The following RHPN2 variants were observed in gnomAD, a reference collection of about 807,000 sequenced individuals.
RHPN2 encodes the protein rhophilin Rho GTPase binding protein 2.
Under a neutral mutation model 79.0 loss-of-function variants are expected in RHPN2, and 40 were observed. That is an observed-to-expected ratio of 0.51 (90% confidence interval 0.39 to 0.66). The LOEUF is 0.66. Among genes scored for constraint, RHPN2 ranks in the 30% least tolerant of loss-of-function variants. The pLI is 0.00. For missense variants in RHPN2, 686 were observed against 883.5 expected (o/e 0.78, Z 2.83); for synonymous variants, 285 against 363.5 (o/e 0.78, Z 2.46).
intron 2 of RHPN2, among the ~76,000 whole-genome samples, chr19:33,036,716 C>T (rs1459386380): frequency 1.3e-5 from 2 of 152,182 alleles, no homozygotes; most frequent in African/African-American, 4.8e-5. Flanking sequence ...GTGGGCTGGA[C>T]GGGCCCCGCA....
intron 8 of RHPN2, 43 bp from the exon 9 acceptor site, chr19:33,002,446 G>A: frequency 1.2e-6 from 2 of 1,612,144 alleles, no homozygotes; most frequent in South Asian, 2.2e-5. Context: ...CCGGCACAAG[G>A]GCCCTCATGA....
chr19:33,022,703 A>G (rs1971934698), intron 3 of RHPN2, among the ~76,000 whole-genome samples: 1 of 152,190 alleles, frequency 6.6e-6, no homozygotes, highest in Non-Finnish European at 1.5e-5. Context: ...GCAAACAAGG[A>G]TTTAGCTCCC....
intron 6 of RHPN2, 87 bp downstream of exon 6, chr19:33,011,591 AC>A (rs1971835559): frequency 6.5e-7 from 1 of 1,544,912 alleles, no homozygotes; most frequent in Non-Finnish European, 8.9e-7. Context: ...GCACAGGGGC[AC>A]CCGCAGAGGG....
intron 12 of RHPN2, among the ~76,000 whole-genome samples, chr19:32,993,773 T>C (rs1806154611): frequency 1.3e-5 from 2 of 152,112 alleles, no homozygotes; most frequent in South Asian, 4.1e-4. Flanking sequence ...AACCAGAACA[T>C]GGGCCTTCAG....
intron 3 of RHPN2, 110 bp downstream of exon 3, chr19:33,026,394 G>A: frequency 7.1e-7 from 1 of 1,417,104 alleles, no homozygotes; most frequent in Admixed American, 1.7e-5. Context: ...CGAAAGTGGG[G>A]GCTGCCACAC....
At chr19:33,056,148 C>CTT (rs35281881) in intron 1 of RHPN2, among the ~76,000 whole-genome samples, 57,598 of 139,874 alleles carry the variant, frequency 0.41, 14,614 homozygotes, top group African/African-American at 0.71. Flanking sequence ...GTTTTTTGCT[C>CTT]GTTGCCCTGG....
At chr19:33,038,719 G>A (rs1203396259) in intron 2 of RHPN2, among the ~76,000 whole-genome samples, 5 of 152,018 alleles carry the variant, frequency 3.3e-5, no homozygotes, top group East Asian at 1.9e-4. Flanking sequence ...GTGCAATGGC[G>A]CGATCTCGGC....
At chr19:33,049,138 A>C (rs1972167685) in intron 1 of RHPN2, among the ~76,000 whole-genome samples, 1 of 152,104 alleles carries the variant, frequency 6.6e-6, no homozygotes, top group Admixed American at 6.6e-5. Context: ...ACAGGTAGGA[A>C]TGTTGGGCTT....
Position 33,064,766 on chromosome 19 carries a change from C to T in RHPN2, c.69+18G>A. On this transcript the variant is annotated intron_variant, in intron 1 of 14. Transcript: ENST00000254260. Reference sequence around the variant, plus strand: ...CTGGAGCCCGCAGGTCCCCGCCCGCCCGCCCGAAGCCGCCCACCTTCCGAA... The same window carrying T: ...CTGGAGCCCGCAGGTCCCCGCCCGCTCGCCCGAAGCCGCCCACCTTCCGAA... 6.7e-7 allele frequency: 1 copy of T among 1,499,652 alleles called. No individual in the cohort carries two copies. Among genetic ancestry groups the T allele is most frequent in the Non-Finnish European group, 8.9e-7 (1 of 1,120,804 alleles). 92.9% of individuals were successfully genotyped at this position (1,499,652 alleles called of 1,614,324 possible). A position where few individuals can be genotyped will look rare whatever the true frequency, so the allele number is the denominator to read the frequency against.
intron 4 of RHPN2, among the ~76,000 whole-genome samples, chr19:33,013,170 C>A (rs779639483): frequency 5.3e-5 from 8 of 150,180 alleles, no homozygotes; most frequent in Non-Finnish European, 8.8e-5. Context: ...GCCACCGTGC[C>A]CGGCCATAGT....
rs183490115 is a variant in RHPN2 at position 33,031,698 on chromosome 19, G to A, written c.186-5066C>T. On this transcript the variant is annotated intron_variant, in intron 2 of 14. Transcript: ENST00000254260. The stretch of plus-strand genomic sequence containing the variant: ...TGCGCCTGGCTAACGTAGGTTTTTT[G>A]TGGGTGTGTGTGAGATGGAGTCGCC... Among the ~76,000 whole-genome samples the A allele has an allele frequency of 1.3e-4, 19 of 150,272 alleles. 1 individual carries two copies. In the East Asian group the frequency reaches 2.4e-3, roughly 19 times the overall value.
intron 3 of RHPN2, among the ~76,000 whole-genome samples, chr19:33,022,266 C>T (rs111591053): frequency 1.3e-5 from 2 of 152,154 alleles, no homozygotes; most frequent in Non-Finnish European, 2.9e-5. Flanking sequence ...ATGCTTCTTT[C>T]GGCAGCTGTG....
At chr19:33,009,395 A>G (rs1971819505) in intron 6 of RHPN2, among the ~76,000 whole-genome samples, 1 of 152,146 alleles carries the variant, frequency 6.6e-6, no homozygotes, top group Admixed American at 6.6e-5. Flanking sequence ...TATGGCAATT[A>G]CTAACCCCTC....
In RHPN2 at chr19:33,002,975, T is replaced by C. The variant is rs200206516; in HGVS notation, c.786A>G (p.Thr262=). The C allele has an allele frequency of 8.4e-5, 136 of 1,613,884 alleles. No homozygotes were observed. The highest frequency in any genetic ancestry group is 4.7e-4 in the Admixed American group (28 of 59,996). ...AAGVLNYLKD[T]FTHTPSYDMS... Reference sequence around the variant, plus strand: ...TGTCGTAACTTGGAGTATGGGTAAATGTGTCTTTCAGGTAATTTAAAACCC... The same window carrying C: ...TGTCGTAACTTGGAGTATGGGTAAACGTGTCTTTCAGGTAATTTAAAACCC... Residue 262 remains threonine (T), a synonymous_variant, in exon 8 of 15, where the codon ACA becomes ACG. Transcript: ENST00000254260.
chr19:32,986,103 T>A (rs908481796), intron 14 of RHPN2, among the ~76,000 whole-genome samples: 1 of 152,202 alleles, frequency 6.6e-6, no homozygotes, highest in Non-Finnish European at 1.5e-5. Flanking sequence ...CTCACAGCTA[T>A]TCCCTGACTT....
rs201890754 is a variant in RHPN2 at position 32,981,510 on chromosome 19, G to GA, written c.1801-1255dup. Among the ~76,000 whole-genome samples the GA allele has an allele frequency of 5.0e-3, 652 of 131,118 alleles. 12 individuals carry two copies. Among genetic ancestry groups the GA allele is most frequent in the African/African-American group, 0.016 (561 of 35,144 alleles). 86.0% of individuals were successfully genotyped at this position (131,118 alleles called of 152,430 possible). The stretch of plus-strand genomic sequence containing the variant: ...GGGAATGGAAGAGGGCAAGGGAAGG[G>GA]AAAAAAAAAAAAAGAGTATGCAGTG... On this transcript the variant is annotated intron_variant, in intron 14 of 14. Coordinates refer to ENST00000254260, the MANE Select transcript of RHPN2 (RefSeq NM_033103.5).
intron 2 of RHPN2, among the ~76,000 whole-genome samples, chr19:33,036,717 G>T (rs895227706): frequency 6.6e-6 from 1 of 152,174 alleles, no homozygotes; most frequent in Non-Finnish European, 1.5e-5. Context: ...TGGGCTGGAC[G>T]GGCCCCGCAC....
chr19:32,987,675 T>C, intron 14 of RHPN2, among the ~76,000 whole-genome samples: 1 of 152,342 alleles, frequency 6.6e-6, no homozygotes, highest in South Asian at 2.1e-4. Context: ...TGCAGGGAGC[T>C]GCATTTTGTC....
chr19:33,030,990 G>A (rs994242209), intron 2 of RHPN2, among the ~76,000 whole-genome samples: 3 of 152,082 alleles, frequency 2.0e-5, no homozygotes, highest in Non-Finnish European at 2.9e-5. Flanking sequence ...CTCAGGTTTG[G>A]TAATTCACCA....
Sources: allele counts gnomAD v4.1 joint callset (sites outside exome capture counted in the v4.1 genomes callset), GRCh38; gene constraint gnomAD v4.1.1; transcripts MANE v1.5; gene names NCBI Gene and HGNC (gene_info 2026-07-23, HGNC 2026-07-21).